The following JAK2 variants were observed in gnomAD, a reference collection of about 807,000 sequenced individuals.
The protein encoded by JAK2 is tyrosine-protein kinase JAK2.
Under a neutral mutation model 139.3 loss-of-function variants are expected in JAK2, and 86 were observed. The ratio of observed to expected loss-of-function variants is 0.62; its 90% CI spans 0.52 to 0.74. JAK2 has a LOEUF of 0.74. JAK2 is among the 30% of genes least tolerant of loss of function. JAK2 has a pLI of 0.00. For synonymous variants in JAK2, 490 were observed against 437.7 expected (o/e 1.12, Z -1.49); for missense variants, 1,421 against 1,360.3 (o/e 1.04, Z -0.70).
chr9:5,126,446 G>A lies in JAK2; in HGVS notation c.3291G>A (p.Glu1097=), dbSNP rs1399689279. ...CAAGACCAGATGGATGCCCAGATGA[G>A]GTAACAATTTTTTTTTAATCCAGGG... is the stretch of plus-strand genomic sequence containing the variant. ...RLPRPDGCPD[E]IYMIMTECWN... The change falls in exon 24 of 25, where the codon GAG becomes GAA. Residue 1097 remains glutamate, a splice_region_variant and synonymous_variant. Coordinates refer to ENST00000381652, the MANE Select transcript of JAK2 (RefSeq NM_004972.4). The A allele has an allele frequency of 6.3e-7, 1 of 1,589,298 alleles. No individual in the cohort carries two copies. The highest frequency in any genetic ancestry group is 1.7e-5 in the Admixed American group (1 of 57,840).
At chr9:5,016,404 T>C (rs1300546691) in intron 2 of JAK2, among the ~76,000 whole-genome samples, 1 of 152,090 alleles carries the variant, frequency 6.6e-6, no homozygotes, top group African/African-American at 2.4e-5. Flanking sequence ...TGTATGTGTG[T>C]GTGTTGAGGG....
chr9:5,089,935 A>G (rs186809248), intron 20 of JAK2, 72 bp downstream of exon 20: 207 of 1,057,334 alleles, frequency 2.0e-4, no homozygotes, highest in Middle Eastern at 3.3e-4. Flanking sequence ...TAAATGTACA[A>G]TGTCTTAACG....
At chr9:5,032,332 G>C (rs989443031) in intron 4 of JAK2, among the ~76,000 whole-genome samples, 2 of 152,258 alleles carry the variant, frequency 1.3e-5, no homozygotes, top group Non-Finnish European at 2.9e-5. Context: ...GCAGGGCATA[G>C]CCAAACAAAA....
At chr9:4,988,016 T>TA (rs2129685593) in intron 2 of JAK2, among the ~76,000 whole-genome samples, 1 of 152,314 alleles carries the variant, frequency 6.6e-6, no homozygotes, top group African/African-American at 2.4e-5. Context: ...GAGGGAGTAT[T>TA]ACAGCCTTTG....
At chr9:5,101,305 G>C (rs10974963) in intron 22 of JAK2, among the ~76,000 whole-genome samples, 2 of 152,222 alleles carry the variant, frequency 1.3e-5, no homozygotes, top group South Asian at 4.1e-4. Flanking sequence ...AGATCCACCC[G>C]TGAGGCAGCA....
In JAK2 at chr9:5,064,999, C is replaced by T. The variant is rs760934459; in HGVS notation, c.1173C>T (p.Ala391=). The T allele has an allele frequency of 6.2e-6, 10 of 1,607,352 alleles. No individual in the cohort carries two copies. Among genetic ancestry groups the T allele is most frequent in the Middle Eastern group, 1.7e-4 (1 of 6,044 alleles). The change falls in exon 9 of 25, where the codon GCC becomes GCT. Residue 391 remains alanine, a synonymous_variant. Coordinates refer to ENST00000381652, the MANE Select transcript of JAK2 (RefSeq NM_004972.4). ...TCTGTAAAGAAGTAGCACCTCCAGC[C>T]GTGCTTGAAAATATACAAAGCAACT... ...HYLCKEVAPP[A]VLENIQSNCH... is the part of the protein sequence containing the mutation.
intron 2 of JAK2, among the ~76,000 whole-genome samples, chr9:5,007,702 A>AATT (rs937615719): frequency 6.6e-6 from 1 of 151,296 alleles, no homozygotes; most frequent in East Asian, 1.9e-4. Context: ...TAATAATGAG[A>AATT]ATTATTATTA....
intron 19 of JAK2, among the ~76,000 whole-genome samples, chr9:5,086,978 C>T (rs967463098): frequency 2.0e-5 from 3 of 152,096 alleles, no homozygotes; most frequent in Non-Finnish European, 4.4e-5. Flanking sequence ...TTTCCTAGTA[C>T]GGGAACAATA....
intron 4 of JAK2, among the ~76,000 whole-genome samples, chr9:5,035,803 C>T (rs1823549786): frequency 6.6e-6 from 1 of 152,116 alleles, no homozygotes; most frequent in South Asian, 2.1e-4. Flanking sequence ...TGGAAGCATT[C>T]CCTTTGAAAA....
At chr9:5,001,535 C>A (rs1820927726) in intron 2 of JAK2, among the ~76,000 whole-genome samples, 1 of 152,030 alleles carries the variant, frequency 6.6e-6, no homozygotes, top group East Asian at 1.9e-4. Context: ...TGGAATAAAA[C>A]CCACTTGGTG....
chr9:5,114,036 C>A (rs962312285), intron 22 of JAK2: 15 of 319,544 alleles, frequency 4.7e-5, no homozygotes, highest in Non-Finnish European at 6.9e-5. Flanking sequence ...CTCTCCCATA[C>A]TGGAGGATGA....
At chr9:5,042,945 C>A (rs1470928627) in intron 4 of JAK2, among the ~76,000 whole-genome samples, 1 of 152,230 alleles carries the variant, frequency 6.6e-6, no homozygotes, top group Non-Finnish European at 1.5e-5. Context: ...CTTCTCGAGG[C>A]ACCTGTTCCC....
At chr9:5,047,592 A>T (rs920272663) in intron 5 of JAK2, among the ~76,000 whole-genome samples, 2 of 152,202 alleles carry the variant, frequency 1.3e-5, no homozygotes, top group African/African-American at 2.4e-5. Flanking sequence ...GCTAATGAAG[A>T]TGTAAATTTC....
At chr9:5,061,062 C>A (rs959733596) in intron 8 of JAK2, among the ~76,000 whole-genome samples, 4 of 152,152 alleles carry the variant, frequency 2.6e-5, no homozygotes, top group Admixed American at 6.5e-5. Flanking sequence ...CAGATCTTAA[C>A]AATGGGCTTA....
chr9:5,073,623 T>A, intron 13 of JAK2, 75 bp from the exon 14 acceptor site: 1 of 1,071,404 alleles, frequency 9.3e-7, no homozygotes, highest in Non-Finnish European at 1.4e-6. Flanking sequence ...ATCTTTATTA[T>A]GGCAGAGAGA....
chr9:5,012,316 G>A (rs574091185), intron 2 of JAK2, among the ~76,000 whole-genome samples: 2 of 152,160 alleles, frequency 1.3e-5, no homozygotes, highest in African/African-American at 2.4e-5. Flanking sequence ...ATATCCCCCC[G>A]ATTTGTATCT....
chr9:5,016,775 T>C (rs1213013985), intron 2 of JAK2, among the ~76,000 whole-genome samples: 2 of 152,262 alleles, frequency 1.3e-5, no homozygotes, highest in East Asian at 3.9e-4. Context: ...CCTGCCAAGC[T>C]AACCATTATC....
chr9:5,078,639 T>A (rs181872918), intron 16 of JAK2, among the ~76,000 whole-genome samples, 195 bp downstream of exon 16: 3 of 152,310 alleles, frequency 2.0e-5, no homozygotes, highest in Admixed American at 2.0e-4. Context: ...CATATAACCA[T>A]GGACTGTGAG....
At chr9:5,039,061 T>G (rs2130260607) in intron 4 of JAK2, among the ~76,000 whole-genome samples, 1 of 152,276 alleles carries the variant, frequency 6.6e-6, no homozygotes, top group African/African-American at 2.4e-5. Flanking sequence ...TACTTATTAG[T>G]GAAAGACTGA....
Sources: gnomAD v4.1 joint callset for allele counts (sites outside exome capture counted in the v4.1 genomes callset) on GRCh38, gnomAD v4.1.1 for gene constraint, MANE v1.5 for transcripts, NCBI Gene and HGNC (gene_info 2026-07-23, HGNC 2026-07-21) for gene names.